C3orf70: variants seen among roughly 807,000 people sequenced by gnomAD.
C3orf70 encodes the protein chromosome 3 open reading frame 70, also known as UPF0524 protein C3orf70.
A neutral mutation model predicts 20.7 loss-of-function variants in C3orf70; 15 were observed. That is an observed-to-expected ratio of 0.72 (90% CI 0.48 to 1.11). The LOEUF is 1.11. C3orf70 is among the 50% of genes most tolerant of loss of function. The pLI, the probability that C3orf70 is intolerant of heterozygous loss-of-function variation, is 0.00. For missense variants in C3orf70, 332 were observed against 317.6 expected, an observed-to-expected ratio of 1.05 and a Z score of -0.34; for synonymous variants, 161 against 125.7, an observed-to-expected ratio of 1.28 and a Z score of -1.88.
intron 1 of C3orf70, among the ~76,000 whole-genome samples, chr3:185,138,385 A>G (rs962537244): frequency 2.6e-5 from 4 of 152,018 alleles, no homozygotes; most frequent in African/African-American, 9.7e-5. Flanking sequence ...AAGGGGAAAA[A>G]CTTTCTAATT....
chr3:185,088,094 A>G (rs776132023), intron 1 of C3orf70, among the ~76,000 whole-genome samples: 5 of 151,930 alleles, frequency 3.3e-5, no homozygotes, highest in Non-Finnish European at 7.4e-5. Context: ...TATTTTTGTT[A>G]GGGACGGAGT....
intron 1 of C3orf70, among the ~76,000 whole-genome samples, chr3:185,129,961 A>C (rs1406712520): frequency 6.6e-6 from 1 of 152,216 alleles, no homozygotes; most frequent in African/African-American, 2.4e-5. Context: ...AGATATTCTC[A>C]AAATAAGCAA....
At chr3:185,102,612 C>CA (rs1203783638) in intron 1 of C3orf70, among the ~76,000 whole-genome samples, 3 of 152,116 alleles carry the variant, frequency 2.0e-5, no homozygotes, top group Non-Finnish European at 4.4e-5. Context: ...CAATGCTAAG[C>CA]AAAAAGAACA....
intron 1 of C3orf70, among the ~76,000 whole-genome samples, chr3:185,091,543 T>C (rs73885682): frequency 0.024 from 3,637 of 152,062 alleles, 122 homozygotes; most frequent in African/African-American, 0.082. Flanking sequence ...TACAGATTTT[T>C]AAGCATGAGG....
intron 1 of C3orf70, among the ~76,000 whole-genome samples, chr3:185,134,732 G>C (rs1306205572): frequency 6.6e-6 from 1 of 152,126 alleles, no homozygotes; most frequent in Admixed American, 6.5e-5. Flanking sequence ...TGACAGCTGG[G>C]GCCAAAGATG....
chr3:185,094,663 A>T (rs910259009), intron 1 of C3orf70, among the ~76,000 whole-genome samples: 3 of 151,900 alleles, frequency 2.0e-5, no homozygotes, highest in African/African-American at 7.3e-5. Context: ...GTAGATTAAA[A>T]AAAAAAAAAA....
rs905993739 is a variant in C3orf70, at chr3:185,077,577, G to A, written c.*5430C>T. Reference sequence around the variant, plus strand: ...GGTTGTTCAATAGACTCCAACCCTTGAAGCTGTTCTTTTCTGAGTATGGAC... The same window carrying A: ...GGTTGTTCAATAGACTCCAACCCTTAAAGCTGTTCTTTTCTGAGTATGGAC... On this transcript the variant is annotated 3_prime_UTR_variant, in exon 2 of 2. Transcript: ENST00000335012. Among the ~76,000 whole-genome samples the A allele has an allele frequency of 3.3e-5, 5 of 152,046 alleles. No individual in the cohort carries two copies. Among genetic ancestry groups the A allele is most frequent in the African/African-American group, 1.2e-4 (5 of 41,370 alleles).
intron 1 of C3orf70, among the ~76,000 whole-genome samples, chr3:185,148,479 A>ATTTT (rs577511200): frequency 3.5e-4 from 53 of 152,230 alleles, no homozygotes; most frequent in Non-Finnish European, 6.9e-4. Context: ...TTCACCTCAA[A>ATTTT]TATCTCTCAA....
chr3:185,094,994 C>T (rs533379770), intron 1 of C3orf70, among the ~76,000 whole-genome samples: 13 of 152,150 alleles, frequency 8.5e-5, no homozygotes, highest in African/African-American at 2.4e-4. Flanking sequence ...AAGTGTGATG[C>T]GGGGAAAGAG....
At chr3:185,124,984 AC>A (rs1235933845) in intron 1 of C3orf70, among the ~76,000 whole-genome samples, 2 of 152,172 alleles carry the variant, frequency 1.3e-5, no homozygotes, top group Non-Finnish European at 2.9e-5. Context: ...TTAAATTGAT[AC>A]TTTTTTTTAA....
rs377403078 is a variant in C3orf70 at position 185,145,904 on chromosome 3, C to T, written c.196+6724G>A. 5.1e-4 allele frequency among the ~76,000 whole-genome samples: 78 copies of T among 152,316 alleles called. 1 individual carries two copies. In the South Asian group the frequency reaches 0.012, roughly 23 times the overall value. On this transcript the variant is annotated intron_variant, in intron 1 of 1. Transcript: ENST00000335012. ...TTACGTGCATCCATCATTGAAGCAC[C>T]AGCTACACAGAAAGACACCTATCAG...
At chr3:185,142,083 C>A (rs1370736884) in intron 1 of C3orf70, among the ~76,000 whole-genome samples, 3 of 152,204 alleles carry the variant, frequency 2.0e-5, no homozygotes, top group African/African-American at 4.8e-5. Flanking sequence ...AGCCAGCTTG[C>A]AGGCATTCTC....
rs190847891 is a variant in C3orf70 at position 185,093,963 on chromosome 3, G to C, written c.197-10400C>G. Among the ~76,000 whole-genome samples, 264 of 151,836 alleles carry C rather than the reference G, an allele frequency of 1.7e-3. 1 individual carries two copies. The highest frequency in any genetic ancestry group is 5.9e-3 in the African/African-American group (245 of 41,364). ...CCAGATACTCAAGTCTCATATAAAC[G>C]GCATGGTATTTTGCATATAACCTAT... On this transcript the variant is annotated intron_variant, in intron 1 of 1. Coordinates refer to ENST00000335012, the MANE Select transcript of C3orf70 (RefSeq NM_001025266.3).
intron 1 of C3orf70, among the ~76,000 whole-genome samples, chr3:185,147,302 T>G (rs1347319587): frequency 6.6e-6 from 1 of 152,226 alleles, no homozygotes; most frequent in Non-Finnish European, 1.5e-5. Context: ...ATCCACCCAC[T>G]CAGCCCCACC....
chr3:185,109,822 C>G (rs1167678162), intron 1 of C3orf70, among the ~76,000 whole-genome samples: 1 of 151,946 alleles, frequency 6.6e-6, no homozygotes, highest in African/African-American at 2.4e-5. Context: ...AGGCATACCA[C>G]CCTCAAAAAC....
chr3:185,092,728 C>T (rs190372723), intron 1 of C3orf70, among the ~76,000 whole-genome samples: 87 of 152,282 alleles, frequency 5.7e-4, no homozygotes, highest in African/African-American at 2.0e-3. Context: ...CACGGTGGCT[C>T]ATACCTGTAA....
chr3:185,096,533 A>G (rs1715709251), intron 1 of C3orf70, among the ~76,000 whole-genome samples: 1 of 152,122 alleles, frequency 6.6e-6, no homozygotes, highest in African/African-American at 2.4e-5. Context: ...TGCCTTCCAT[A>G]TATGCTCTGC....
intron 1 of C3orf70, among the ~76,000 whole-genome samples, chr3:185,085,206 T>C (rs1365266147): frequency 6.6e-6 from 1 of 152,208 alleles, no homozygotes; most frequent in Non-Finnish European, 1.5e-5. Flanking sequence ...TTTATTTCTT[T>C]GTCAGACTGG....
intron 1 of C3orf70, among the ~76,000 whole-genome samples, chr3:185,107,157 T>C (rs559154347): frequency 9.0e-4 from 137 of 152,306 alleles, no homozygotes; most frequent in African/African-American, 2.5e-3. Flanking sequence ...CATTTCTCTA[T>C]AGCACTGGCC....
Sources: allele counts gnomAD v4.1 joint callset (sites outside exome capture counted in the v4.1 genomes callset), GRCh38; gene constraint gnomAD v4.1.1; transcripts MANE v1.5; gene names NCBI Gene and HGNC (gene_info 2026-07-23, HGNC 2026-07-21).